The following CNTN5 variants were observed in gnomAD, a reference collection of about 807,000 sequenced individuals.
The protein encoded by CNTN5 is contactin-5.
A neutral mutation model predicts 129.1 loss-of-function variants in CNTN5; 77 were observed. The observed-to-expected ratio is 0.60, with a 90% CI of 0.50 to 0.72. The LOEUF (loss-of-function observed/expected upper bound fraction) is 0.72. Among genes scored for constraint, CNTN5 ranks in the 30% least tolerant of loss-of-function variants. The pLI, the probability that CNTN5 is intolerant of heterozygous loss-of-function variation, is 0.00. For synonymous variants in CNTN5, 509 were observed against 465.6 expected (o/e 1.09, Z -1.20); for missense variants, 1,478 against 1,328.8 (o/e 1.11, Z -1.75).
chr11:99,078,754 A>G (rs942100293), intron 1 of CNTN5, among the ~76,000 whole-genome samples: 1 of 152,198 alleles, frequency 6.6e-6, no homozygotes, highest in Non-Finnish European at 1.5e-5. Flanking sequence ...AATTGAGCTT[A>G]TGGAAATAGA....
chr11:99,370,248 T>C (rs1939743860), intron 2 of CNTN5, among the ~76,000 whole-genome samples: 1 of 152,200 alleles, frequency 6.6e-6, no homozygotes, highest in Non-Finnish European at 1.5e-5. Context: ...CTGTACACAA[T>C]AGGTTATCTT....
chr11:99,380,192 T>C lies in CNTN5; in HGVS notation c.-71+54708T>C, dbSNP rs566831563. Among the ~76,000 whole-genome samples, 100 of 152,170 alleles carry C rather than the reference T, an allele frequency of 6.6e-4. 1 individual carries two copies. Among genetic ancestry groups the C allele is most frequent in the Middle Eastern group, 3.4e-3 (1 of 294 alleles). On this transcript the variant is annotated intron_variant, in intron 2 of 24. Transcript: ENST00000524871. ...GTGGCCAAGTAACCATTTGAAGAAA[T>C]ATTTGTCCTTTGTTTGGTGCAAAGG...
intron 1 of CNTN5, among the ~76,000 whole-genome samples, chr11:99,258,934 T>A (rs1275495549): frequency 2.0e-5 from 3 of 151,892 alleles, no homozygotes; most frequent in African/African-American, 7.2e-5. Context: ...TACTGATTTG[T>A]GTTTTTTTAT....
At chr11:99,580,777 A>C (rs531007059) in intron 3 of CNTN5, among the ~76,000 whole-genome samples, 2 of 132,978 alleles carry the variant, frequency 1.5e-5, no homozygotes, top group African/African-American at 2.8e-5. Context: ...TTTTCAAAAA[A>C]CCAGCTCCTG....
chr11:100,081,776 G>T (rs1382797925), intron 13 of CNTN5, among the ~76,000 whole-genome samples: 1 of 152,138 alleles, frequency 6.6e-6, no homozygotes, highest in Non-Finnish European at 1.5e-5. Context: ...ATACGACTAA[G>T]GACTAGAAAA....
At chr11:99,836,939 G>C (rs958674729) in intron 4 of CNTN5, among the ~76,000 whole-genome samples, 8 of 152,186 alleles carry the variant, frequency 5.3e-5, no homozygotes, top group African/African-American at 1.9e-4. Flanking sequence ...ATGTCATGGT[G>C]CTGGTGGGAG....
chr11:99,998,528 A>C (rs905037703), intron 8 of CNTN5, among the ~76,000 whole-genome samples: 1 of 140,040 alleles, frequency 7.1e-6, no homozygotes, highest in Non-Finnish European at 1.5e-5. Context: ...ATGGAAGAAC[A>C]TTCCTTGCTC....
intron 8 of CNTN5, among the ~76,000 whole-genome samples, chr11:99,988,037 A>G (rs547613369): frequency 9.3e-4 from 142 of 152,320 alleles, no homozygotes; most frequent in Middle Eastern, 3.4e-3. Context: ...TGATGAAGCT[A>G]TGATAATCAG....
intron 1 of CNTN5, among the ~76,000 whole-genome samples, chr11:99,034,949 C>T (rs1414273830): frequency 2.6e-5 from 4 of 150,988 alleles, no homozygotes; most frequent in Non-Finnish European, 4.4e-5. Flanking sequence ...GAATGTGTCC[C>T]AGAGATTCTG....
intron 1 of CNTN5, among the ~76,000 whole-genome samples, chr11:99,322,172 GA>G (rs1454402094): frequency 6.6e-6 from 1 of 152,132 alleles, no homozygotes; most frequent in Non-Finnish European, 1.5e-5. Context: ...AGTTCAATAT[GA>G]AGGTTGCGCC....
At chr11:99,360,314 G>A (rs1442262779) in intron 2 of CNTN5, among the ~76,000 whole-genome samples, 3 of 152,114 alleles carry the variant, frequency 2.0e-5, no homozygotes, top group African/African-American at 7.2e-5. Flanking sequence ...CTTCTCTAAT[G>A]TTCTGGGGTC....
chr11:99,737,478 T>C (rs1286119486), intron 3 of CNTN5, among the ~76,000 whole-genome samples: 2 of 152,168 alleles, frequency 1.3e-5, no homozygotes, highest in African/African-American at 4.8e-5. Context: ...TGGATAGATA[T>C]CTAGACTCAG....
chr11:99,761,950 T>C (rs1431733158), intron 3 of CNTN5, among the ~76,000 whole-genome samples: 10 of 113,112 alleles, frequency 8.8e-5, no homozygotes, highest in African/African-American at 2.8e-4. Context: ...TCTTAATGAT[T>C]GCCATTCTAA....
chr11:99,878,377 G>T (rs1372968194), intron 6 of CNTN5, among the ~76,000 whole-genome samples: 1 of 152,114 alleles, frequency 6.6e-6, no homozygotes, highest in African/African-American at 2.4e-5. Context: ...TGTGAGAGAA[G>T]GACTGAAGTG....
At chr11:99,322,113 C>A (rs976203821) in intron 1 of CNTN5, among the ~76,000 whole-genome samples, 1 of 152,118 alleles carries the variant, frequency 6.6e-6, no homozygotes, top group African/African-American at 2.4e-5. Context: ...ATACCGCAGA[C>A]TGGTTGGCTT....
At chr11:100,266,441 A>G (rs1950304630) in intron 17 of CNTN5, among the ~76,000 whole-genome samples, 1 of 152,150 alleles carries the variant, frequency 6.6e-6, no homozygotes, top group South Asian at 2.1e-4. Context: ...TTACTTTGGT[A>G]TAAATCCTCC....
chr11:99,038,710 A>T (rs984798459), intron 1 of CNTN5, among the ~76,000 whole-genome samples: 1 of 147,884 alleles, frequency 6.8e-6, no homozygotes, highest in South Asian at 2.1e-4. Flanking sequence ...ATTGTCCATA[A>T]CTTCTACAAA....
At chr11:99,200,226 C>T (rs886400945) in intron 1 of CNTN5, among the ~76,000 whole-genome samples, 5 of 152,102 alleles carry the variant, frequency 3.3e-5, no homozygotes, top group African/African-American at 4.8e-5. Flanking sequence ...ATTATGGCAG[C>T]CAAGCCATGC....
At chr11:99,768,063 C>T (rs759189920) in intron 3 of CNTN5, among the ~76,000 whole-genome samples, 1 of 151,992 alleles carries the variant, frequency 6.6e-6, no homozygotes, top group Non-Finnish European at 1.5e-5. Context: ...TTTTGCACTG[C>T]AAGACTGAGT....
Sources: allele counts gnomAD v4.1 joint callset (sites outside exome capture counted in the v4.1 genomes callset), GRCh38; gene constraint gnomAD v4.1.1; transcripts MANE v1.5; gene names NCBI Gene and HGNC (gene_info 2026-07-23, HGNC 2026-07-21).